The following PABPC1 variants were observed in gnomAD, a reference collection of about 807,000 sequenced individuals.
PABPC1 encodes the protein poly(A) binding protein cytoplasmic 1, also known as polyadenylate-binding protein 1.
PABPC1 carries 4 observed loss-of-function variants against 74.0 expected under a neutral mutation model. That is an observed-to-expected ratio of 0.05 (90% CI 0.03 to 0.12). The LOEUF (loss-of-function observed/expected upper bound fraction) is 0.12. Ranked by LOEUF, PABPC1 falls within the 10% of genes least tolerant of loss-of-function variation. PABPC1 has a pLI of 1.00. For synonymous variants in PABPC1, 227 were observed against 264.1 expected (o/e 0.86, Z 1.36); for missense variants, 271 against 821.1 (o/e 0.33, Z 8.19).
At chr8:100,715,809 A>G (rs1019083839) in intron 3 of PABPC1, among the ~76,000 whole-genome samples, 1 of 152,180 alleles carries the variant, frequency 6.6e-6, no homozygotes, top group South Asian at 2.1e-4. Flanking sequence ...CAAAAAAAAA[A>G]CCACTTCTTT....
chr8:100,719,556 T>C (rs1253436422), intron 1 of PABPC1, among the ~76,000 whole-genome samples: 2 of 152,176 alleles, frequency 1.3e-5, no homozygotes, highest in Non-Finnish European at 2.9e-5. Context: ...GGATAGTAAA[T>C]TGTACATACA....
intron 7 of PABPC1, among the ~76,000 whole-genome samples, chr8:100,711,783 T>A (rs1380269330): frequency 1.3e-5 from 2 of 150,616 alleles, no homozygotes; most frequent in African/African-American, 5.0e-5. Context: ...AGTTGAGTTG[T>A]AATTTTTTTC....
chr8:100,714,749 T>C (rs1346300082), intron 4 of PABPC1, among the ~76,000 whole-genome samples: 3 of 152,046 alleles, frequency 2.0e-5, no homozygotes, highest in Non-Finnish European at 2.9e-5. Flanking sequence ...GATTTCCTAA[T>C]TCTTTATTAT....
chr8:100,715,158 C>CACACACACACAT (rs1234644734), intron 4 of PABPC1, among the ~76,000 whole-genome samples: 74 of 76,212 alleles, frequency 9.7e-4, no homozygotes, highest in African/African-American at 2.8e-3. Context: ...CACACACACA[C>CACACACACACAT]ATATATATCT....
At chr8:100,706,165 A>G (rs1810373863) in intron 11 of PABPC1, among the ~76,000 whole-genome samples, 1 of 152,176 alleles carries the variant, frequency 6.6e-6, no homozygotes, top group Admixed American at 6.5e-5. Flanking sequence ...TACTTGTAAT[A>G]GTTGTTTCAG....
At chr8:100,720,932 T>C (rs1041156819) in intron 1 of PABPC1, among the ~76,000 whole-genome samples, 2 of 151,948 alleles carry the variant, frequency 1.3e-5, no homozygotes, top group African/African-American at 4.8e-5. Flanking sequence ...GGTTACAGGG[T>C]TCAACACGTG....
chr8:100,707,670 T>C (rs573625390), intron 9 of PABPC1, among the ~76,000 whole-genome samples: 5 of 152,264 alleles, frequency 3.3e-5, no homozygotes, highest in South Asian at 2.1e-4. Context: ...CACAGCACCA[T>C]AGGGAGACGG....
rs1363518031 is a variant in PABPC1, at chr8:100,721,819, G to A, written c.-236C>T. The A allele has an allele frequency of 2.5e-6, 1 of 398,998 alleles. No homozygotes were observed. Among genetic ancestry groups the A allele is most frequent in the African/African-American group, 2.1e-5 (1 of 48,384 alleles). 24.7% of individuals were successfully genotyped at this position (398,998 alleles called of 1,614,324 possible). On this transcript the variant is annotated 5_prime_UTR_variant, in exon 1 of 15. Transcript: ENST00000318607. This position sits in a 1 kb window ranked among gnomAD's most constrained non-coding sequence, Gnocchi z 7.4. ...TGGCGGTGTCGGGTCCGGGCAGCGG[G>A]AAGGCCTCGGTCTCTTGGTTCCTTC...
At position 100,717,878 on chromosome 8, in the gene PABPC1, T is replaced by G. The variant is rs773605197; in HGVS notation, c.398A>C (p.Asp133Ala). The G allele has an allele frequency of 6.2e-7, 1 of 1,610,734 alleles. No individual in the cohort carries two copies. Among genetic ancestry groups the G allele is most frequent in the Non-Finnish European group, 8.5e-7 (1 of 1,177,044 alleles). The change falls in exon 3 of 15, where the codon GAT (aspartate) becomes GCT (alanine). Residue 133 changes from aspartate to alanine, a missense_variant. By Grantham distance (126) the Asp-to-Ala change is moderately radical. This residue lies in a region of PABPC1 where 47 missense variants were observed against 214.1 expected (regional missense o/e 0.22). Coordinates refer to ENST00000318607, the MANE Select transcript of PABPC1 (RefSeq NM_002568.4). ...TCCATAGCCCTTGGAACCATTTTCATCACAAACCACCTAGGGAAAAACATA... is the reference window on the plus strand; with the variant it reads ...TCCATAGCCCTTGGAACCATTTTCAGCACAAACCACCTAGGGAAAAACATA... ...GNILSCKVVC[D>A]ENGSKGYGFV...
chr8:100,712,616 C>G (rs1563613045), intron 6 of PABPC1, 36 bp downstream of exon 6: 1 of 1,589,806 alleles, frequency 6.3e-7, no homozygotes, highest in Non-Finnish European at 8.5e-7. Flanking sequence ...GTTTCCTCAT[C>G]CCTGTCTTAT....
intron 3 of PABPC1, 142 bp from the exon 4 acceptor site, chr8:100,715,743 C>A (rs1409423985): frequency 5.6e-6 from 3 of 531,324 alleles, no homozygotes; most frequent in Non-Finnish European, 9.6e-6. Context: ...AGAAATAGGG[C>A]CATAATTTAA....
intron 1 of PABPC1, among the ~76,000 whole-genome samples, chr8:100,718,586 CT>C (rs895953419): frequency 1.8e-4 from 27 of 152,290 alleles, no homozygotes; most frequent in African/African-American, 5.1e-4. Flanking sequence ...ATCTAAAGCA[CT>C]TTTTTTCCTA....
chr8:100,712,555 CCT>C lies in PABPC1; in HGVS notation c.876+95_876+96del, dbSNP rs1444411421. 13 of 1,489,512 alleles carry C rather than the reference CCT, an allele frequency of 8.7e-6. No homozygotes were observed. The African/African-American group carries it at 1.4e-4, about 16-fold the overall frequency. 92.3% of individuals were successfully genotyped at this position (1,489,512 alleles called of 1,614,324 possible). Reference sequence around the variant, plus strand: ...TACCCCATATTTCTTCTCCTATTCCCCTCTCAAACCCTCCAGCTACCTGGAAG... The same window carrying C: ...TACCCCATATTTCTTCTCCTATTCCCCTCAAACCCTCCAGCTACCTGGAAG... On this transcript the variant is annotated intron_variant, in intron 6 of 14. Coordinates refer to ENST00000318607, the MANE Select transcript of PABPC1 (RefSeq NM_002568.4).
Position 100,709,537 on chromosome 8 carries a change from T to A in PABPC1, c.1167A>T (p.Val389=). ...TNQYMQRMAS[V]RAVPNPVINP... ...TGATTACAGGGTTGGGAACAGCTCG[T>A]ACACTTGCCATTCTCTGCATATACT... The change falls in exon 8 of 15, where the codon GTA becomes GTT. Residue 389 remains valine, a synonymous_variant. Transcript: ENST00000318607. 1 of 1,614,252 alleles carries A rather than the reference T, an allele frequency of 6.2e-7. No homozygotes were observed. Among genetic ancestry groups the A allele is most frequent in the African/African-American group, 1.3e-5 (1 of 75,070 alleles).
Position 100,703,638 on chromosome 8 carries a change from C to T in PABPC1, c.*2-279G>A, listed in dbSNP as rs143093453. Among the ~76,000 whole-genome samples the T allele has an allele frequency of 5.3e-5, 8 of 152,290 alleles. No individual in the cohort carries two copies. The East Asian group carries it at 1.4e-3, about 26-fold the overall frequency. ...ATCCCTGGTCCTGATCCTGGCTGCA[C>T]TACTCAATTTCTTGGGAGTGATGAA... On this transcript the variant is annotated intron_variant, in intron 14 of 14. Transcript: ENST00000318607.
intron 9 of PABPC1, 79 bp from the exon 10 acceptor site, chr8:100,707,076 T>A: frequency 9.4e-7 from 1 of 1,061,510 alleles, no homozygotes; most frequent in South Asian, 1.4e-5. Flanking sequence ...TTCTTCGATC[T>A]GAGGTTTGCA....
chr8:100,718,053 A>G, intron 2 of PABPC1, 34 bp downstream of exon 2: 2 of 1,565,530 alleles, frequency 1.3e-6, no homozygotes, highest in Non-Finnish European at 1.8e-6. Context: ...TAGCTCAACA[A>G]TGTAAACATG....
intron 1 of PABPC1, among the ~76,000 whole-genome samples, chr8:100,718,647 T>A (rs1016589777): frequency 6.6e-6 from 1 of 152,234 alleles, no homozygotes. Context: ...ATAAGCAGTA[T>A]AAAAGACATT....
rs768188332 is a variant in PABPC1 at position 100,705,663 on chromosome 8, T to C, written c.1613A>G (p.His538Arg). The C allele has an allele frequency of 5.0e-6, 8 of 1,611,946 alleles. No homozygotes were observed. Among genetic ancestry groups the C allele is most frequent in the Non-Finnish European group, 6.8e-6 (8 of 1,178,052 alleles). Residue 538 changes from histidine (H) to arginine (R), a missense_variant, in exon 12 of 15, where the codon CAT becomes CGT. Around this residue, in one of 7 missense-constraint regions of PABPC1, gnomAD observed 103 missense variants for 245.3 expected, o/e 0.42. Transcript: ENST00000318607. ...PQVTMQQPAV[H>R]VQGQEPLTAS... ...AGTCAAAGGTTCCTGACCTTGTACA[T>C]GAACAGCAGGCTAGACAGAAAATGA...
Sources: gnomAD v4.1 joint callset for allele counts (sites outside exome capture counted in the v4.1 genomes callset) on GRCh38, gnomAD v4.1.1 for gene constraint, gnomAD v4.1.1 regional missense constraint, Gnocchi (gnomAD v3.1) non-coding constraint, MANE v1.5 for transcripts, NCBI Gene and HGNC (gene_info 2026-07-23, HGNC 2026-07-21) for gene names.